GPC6: variants seen among roughly 807,000 people sequenced by gnomAD.
GPC6 encodes the protein glypican-6.
In GPC6, 14 loss-of-function variants were observed where a neutral mutation model predicts 55.2. The ratio of observed to expected loss-of-function variants is 0.25; its 90% CI spans 0.17 to 0.40. GPC6 has a LOEUF of 0.40. Among genes scored for constraint, GPC6 ranks in the 10% least tolerant of loss-of-function variants. The probability of loss-of-function intolerance (pLI) is 1.00; values close to 1 mark genes in which losing one functional copy is unlikely to be tolerated. For missense variants in GPC6, 641 were observed against 708.5 expected (o/e 0.90, Z 1.08); for synonymous variants, 278 against 259.6 (o/e 1.07, Z -0.68).
At chr13:93,781,921 TTATCA>T (rs1204031388) in intron 2 of GPC6, among the ~76,000 whole-genome samples, 1 of 152,186 alleles carries the variant, frequency 6.6e-6, no homozygotes, top group Admixed American at 6.5e-5. Flanking sequence ...AGCATATGTA[TTATCA>T]TATATTTATT....
At chr13:94,052,500 C>T (rs1883987862) in intron 4 of GPC6, among the ~76,000 whole-genome samples, 2 of 152,144 alleles carry the variant, frequency 1.3e-5, no homozygotes, top group Admixed American at 6.6e-5. Context: ...TATGGAGATT[C>T]AACTTCATGT....
the GPC6 span, among the ~76,000 whole-genome samples, chr13:93,217,316 T>C: frequency 6.6e-6 from 1 of 152,266 alleles, no homozygotes; most frequent in Non-Finnish European, 1.5e-5. Context: ...CATTATCATT[T>C]AAAAATCTTA....
At chr13:93,702,654 T>C (rs1399370224) in intron 2 of GPC6, among the ~76,000 whole-genome samples, 4 of 152,104 alleles carry the variant, frequency 2.6e-5, no homozygotes, top group Middle Eastern at 6.8e-3. Flanking sequence ...CTTCATCAAT[T>C]ATCATAGCTA....
chr13:94,302,729 C>G (rs867512619), intron 5 of GPC6, among the ~76,000 whole-genome samples: 14 of 152,156 alleles, frequency 9.2e-5, no homozygotes, highest in African/African-American at 3.4e-4. Context: ...TGGAGGGGTC[C>G]TTGCGCCCAG....
chr13:93,495,195 G>A (rs113331836), intron 1 of GPC6, among the ~76,000 whole-genome samples: 1 of 88,354 alleles, frequency 1.1e-5, no homozygotes, highest in African/African-American at 4.2e-5. Flanking sequence ...TCACATAGTC[G>A]CATATTTCTT....
chr13:94,401,262 CA>C (rs1167881634), intron 8 of GPC6, among the ~76,000 whole-genome samples: 1 of 152,206 alleles, frequency 6.6e-6, no homozygotes, highest in African/African-American at 2.4e-5. Flanking sequence ...TCTACCCTCT[CA>C]AAGATTATGT....
chr13:93,408,516 T>A (rs545564654), intron 1 of GPC6, among the ~76,000 whole-genome samples: 2 of 152,208 alleles, frequency 1.3e-5, no homozygotes, highest in East Asian at 3.9e-4. Flanking sequence ...ATTGGATAGG[T>A]GCAATGAAAG....
At chr13:94,239,241 G>C (rs1890976417) in intron 4 of GPC6, among the ~76,000 whole-genome samples, 1 of 152,082 alleles carries the variant, frequency 6.6e-6, no homozygotes, top group African/African-American at 2.4e-5. Context: ...GATTGCAGTT[G>C]CATTTGATGG....
intron 2 of GPC6, among the ~76,000 whole-genome samples, chr13:93,667,981 GT>G (rs1204867839): frequency 6.6e-6 from 1 of 152,062 alleles, no homozygotes. Context: ...GATAGACACC[GT>G]GGGCTATTTT....
intron 4 of GPC6, among the ~76,000 whole-genome samples, chr13:94,066,867 G>A (rs1884534502): frequency 6.6e-6 from 1 of 152,174 alleles, no homozygotes; most frequent in African/African-American, 2.4e-5. Context: ...CTCTTTCAGA[G>A]AAAGCTCCCT....
intron 4 of GPC6, among the ~76,000 whole-genome samples, chr13:94,179,599 T>C (rs551107420): frequency 3.2e-4 from 49 of 152,318 alleles, no homozygotes; most frequent in Non-Finnish European, 5.3e-4. Flanking sequence ...AAGTGATACA[T>C]ACTCTAATTC....
At chr13:93,351,466 G>A (rs1880628915) in intron 1 of GPC6, among the ~76,000 whole-genome samples, 1 of 152,056 alleles carries the variant, frequency 6.6e-6, no homozygotes, top group Non-Finnish European at 1.5e-5. Context: ...GGAGAGAGTT[G>A]TTAAAGGATA....
At chr13:93,582,730 G>A (rs1876994989) in intron 2 of GPC6, among the ~76,000 whole-genome samples, 2 of 152,204 alleles carry the variant, frequency 1.3e-5, no homozygotes, top group Non-Finnish European at 2.9e-5. Flanking sequence ...TTAGATTGGA[G>A]TAGCTTCTTA....
chr13:93,247,629 G>A (rs1393923120), intron 1 of GPC6, among the ~76,000 whole-genome samples: 2 of 152,080 alleles, frequency 1.3e-5, no homozygotes, highest in Non-Finnish European at 2.9e-5. Context: ...CCGCAATAAA[G>A]AATATATTCA....
intron 4 of GPC6, among the ~76,000 whole-genome samples, chr13:94,188,842 G>T (rs1193220698): frequency 6.6e-6 from 1 of 152,152 alleles, no homozygotes; most frequent in East Asian, 1.9e-4. Flanking sequence ...AGCTGCTGAA[G>T]AGCTTTCCTC....
At chr13:94,028,830 G>A (rs1304579902) in intron 4 of GPC6, among the ~76,000 whole-genome samples, 1 of 152,106 alleles carries the variant, frequency 6.6e-6, no homozygotes, top group Non-Finnish European at 1.5e-5. Context: ...TTCACAAATT[G>A]CCATCCAAGG....
At chr13:93,946,805 AT>A (rs1186483624) in intron 3 of GPC6, among the ~76,000 whole-genome samples, 1 of 152,036 alleles carries the variant, frequency 6.6e-6, no homozygotes, top group Non-Finnish European at 1.5e-5. Flanking sequence ...GCTCCTGTGT[AT>A]TTTCCTTACT....
chr13:94,182,591 A>G (rs965364402), intron 4 of GPC6, among the ~76,000 whole-genome samples: 10 of 152,144 alleles, frequency 6.6e-5, no homozygotes, highest in African/African-American at 9.7e-5. Flanking sequence ...ACTGCTGTGT[A>G]ATGTTTTTTT....
In GPC6 at chr13:94,403,828, ACACCAAATTAAT is replaced by A. The variant is rs745799414; in HGVS notation, c.*613_*624del. On this transcript the variant is annotated 3_prime_UTR_variant, in exon 9 of 9. Coordinates refer to ENST00000377047, the MANE Select transcript of GPC6 (RefSeq NM_005708.5). ...TATCATCTTGCACTCTAACCAAACAACACCAAATTAATCTGGAGGTACTGATACTAAATTTGG... is the reference window on the plus strand; with the variant it reads ...TATCATCTTGCACTCTAACCAAACAACTGGAGGTACTGATACTAAATTTGG... 3 of 161,050 alleles carry A rather than the reference ACACCAAATTAAT, an allele frequency of 1.9e-5. No individual in the cohort carries two copies. The highest frequency in any genetic ancestry group is 2.7e-5 in the Non-Finnish European group (2 of 72,932). 10.0% of individuals were successfully genotyped at this position (161,050 alleles called of 1,614,324 possible).
Sources: allele counts gnomAD v4.1 joint callset (sites outside exome capture counted in the v4.1 genomes callset), GRCh38; gene constraint gnomAD v4.1.1; transcripts MANE v1.5; gene names NCBI Gene and HGNC (gene_info 2026-07-23, HGNC 2026-07-21).